The following KAZN variants were observed in gnomAD, a reference collection of about 807,000 sequenced individuals.
The protein encoded by KAZN is kazrin, periplakin interacting protein, also known as kazrin.
In KAZN, 40 loss-of-function variants were observed where a neutral mutation model predicts 87.4. The ratio of observed to expected loss-of-function variants is 0.46; its 90% CI spans 0.36 to 0.60. The LOEUF (loss-of-function observed/expected upper bound fraction) is 0.60, where lower values mean the gene tolerates loss of function less well. KAZN is among the 20% of genes least tolerant of loss of function. The probability of loss-of-function intolerance (pLI) is 0.00; values close to 1 mark genes in which losing one functional copy is unlikely to be tolerated. For missense variants in KAZN, 898 were observed against 1,073.9 expected (o/e 0.84, Z 2.29); for synonymous variants, 466 against 458.3 (o/e 1.02, Z -0.22).
intron 1 of KAZN, among the ~76,000 whole-genome samples, chr1:14,781,449 G>C (rs1338784425): frequency 3.3e-5 from 5 of 152,256 alleles, no homozygotes; most frequent in African/African-American, 1.2e-4. Context: ...TCTAAGCCCA[G>C]GGTCAGCTTC....
intron 2 of KAZN, among the ~76,000 whole-genome samples, chr1:14,257,394 C>T (rs988017086): frequency 3.9e-4 from 57 of 144,962 alleles, no homozygotes; most frequent in Middle Eastern, 7.0e-3. Flanking sequence ...GAGTAGGTTG[C>T]GAAAATTTTC....
chr1:14,086,001 C>T (rs1221459813), intron 1 of KAZN, among the ~76,000 whole-genome samples: 1 of 152,030 alleles, frequency 6.6e-6, no homozygotes. Flanking sequence ...TATTGTTGTT[C>T]AGCATCTTAT....
At chr1:14,937,529 G>A (rs1464972090) in intron 1 of KAZN, among the ~76,000 whole-genome samples, 1 of 152,216 alleles carries the variant, frequency 6.6e-6, no homozygotes, top group Non-Finnish European at 1.5e-5. Context: ...TCCCAGGTCA[G>A]CTTGTAGGAG....
intron 1 of KAZN, among the ~76,000 whole-genome samples, chr1:14,886,967 G>A (rs1447880839): frequency 3.3e-5 from 5 of 152,154 alleles, no homozygotes. Context: ...CTGGTTCCTA[G>A]TAGGTTCTCA....
At chr1:13,983,594 C>T (rs1638860768) in intron 1 of KAZN, among the ~76,000 whole-genome samples, 1 of 152,224 alleles carries the variant, frequency 6.6e-6, no homozygotes, top group Non-Finnish European at 1.5e-5. Context: ...CCTTGGCCAG[C>T]CCAGAAAGGG....
At chr1:14,869,831 G>A (rs1000964050) in intron 1 of KAZN, among the ~76,000 whole-genome samples, 3 of 152,222 alleles carry the variant, frequency 2.0e-5, no homozygotes, top group African/African-American at 4.8e-5. Flanking sequence ...TTAGCGCACA[G>A]ACCTGCTGGA....
chr1:14,128,069 C>T (rs1302136124), intron 1 of KAZN, among the ~76,000 whole-genome samples: 2 of 152,074 alleles, frequency 1.3e-5, no homozygotes, highest in Non-Finnish European at 2.9e-5. Context: ...TAGAAAAGTC[C>T]AAGGTTAGGC....
chr1:14,868,323 TA>T (rs1651763791), intron 1 of KAZN, among the ~76,000 whole-genome samples: 1 of 152,216 alleles, frequency 6.6e-6, no homozygotes, highest in South Asian at 2.1e-4. Flanking sequence ...TCTTTACTAC[TA>T]ATTGCTATTG....
chr1:15,114,659 C>T lies in KAZN; in HGVS notation c.*24C>T, dbSNP rs1307641553. 6.4e-7 allele frequency: 1 copy of T among 1,561,774 alleles called. No individual in the cohort carries two copies. Among genetic ancestry groups the T allele is most frequent in the African/African-American group, 1.4e-5 (1 of 73,556 alleles). ...AAGGAACTGGTGGCTCCACCAGACC[C>T]AACGTGAGAGACCCAGGAAGGAAGA... On this transcript the variant is annotated 3_prime_UTR_variant, in exon 15 of 15. Coordinates refer to ENST00000376030, the MANE Select transcript of KAZN (RefSeq NM_201628.3).
intron 2 of KAZN, among the ~76,000 whole-genome samples, chr1:14,359,483 A>G (rs1025028799): frequency 2.4e-4 from 36 of 152,298 alleles, no homozygotes; most frequent in Admixed American, 4.6e-4. Flanking sequence ...TCATTATGAC[A>G]CTAGCTGGTT....
chr1:13,915,771 A>G (rs1359396644), intron 1 of KAZN, among the ~76,000 whole-genome samples: 1 of 152,220 alleles, frequency 6.6e-6, no homozygotes. Context: ...GCCTGGACTC[A>G]GCTCCACCTC....
intron 8 of KAZN, among the ~76,000 whole-genome samples, chr1:15,089,722 C>A (rs1640438336): frequency 9.8e-6 from 1 of 101,766 alleles, no homozygotes; most frequent in Non-Finnish European, 1.9e-5. Context: ...CAAAGGGAAG[C>A]TTTTATTGGC....
At chr1:14,384,521 A>T (rs1052725400) in intron 2 of KAZN, among the ~76,000 whole-genome samples, 6 of 152,154 alleles carry the variant, frequency 3.9e-5, no homozygotes, top group Non-Finnish European at 7.3e-5. Flanking sequence ...AGTTTTTAGC[A>T]TGAAAGGTTG....
chr1:14,389,919 C>T (rs1311367890), intron 2 of KAZN, among the ~76,000 whole-genome samples: 6 of 152,270 alleles, frequency 3.9e-5, no homozygotes, highest in African/African-American at 1.4e-4. Flanking sequence ...CCCATTTACC[C>T]TGCTGTGACC....
intron 2 of KAZN, among the ~76,000 whole-genome samples, chr1:14,408,955 G>A (rs897421630): frequency 6.6e-6 from 1 of 152,192 alleles, no homozygotes; most frequent in Non-Finnish European, 1.5e-5. Flanking sequence ...GGATCTTGCA[G>A]AGGATATTTA....
At chr1:14,922,798 A>AC (rs1262347792) in intron 1 of KAZN, among the ~76,000 whole-genome samples, 1 of 150,874 alleles carries the variant, frequency 6.6e-6, no homozygotes, top group African/African-American at 2.4e-5. Context: ...TCTCAAAAAA[A>AC]AAAAAAAAAA....
intron 1 of KAZN, among the ~76,000 whole-genome samples, chr1:14,888,577 CAAA>C (rs1309533032): frequency 2.0e-5 from 3 of 151,760 alleles, no homozygotes; most frequent in Non-Finnish European, 2.9e-5. Context: ...TTAATTCACG[CAAA>C]TATAGCTTTT....
intron 1 of KAZN, among the ~76,000 whole-genome samples, chr1:14,793,714 T>C (rs1245989649): frequency 1.3e-5 from 2 of 151,340 alleles, no homozygotes; most frequent in African/African-American, 4.9e-5. Context: ...GAACAGGGCC[T>C]AGTTTGTATT....
At chr1:14,032,697 A>G (rs919415477) in intron 1 of KAZN, among the ~76,000 whole-genome samples, 2 of 152,116 alleles carry the variant, frequency 1.3e-5, no homozygotes, top group Non-Finnish European at 1.5e-5. Flanking sequence ...CTTCCAATGG[A>G]CTGTCAATGC....
Sources: allele counts gnomAD v4.1 joint callset (sites outside exome capture counted in the v4.1 genomes callset), GRCh38; gene constraint gnomAD v4.1.1; transcripts MANE v1.5; gene names NCBI Gene and HGNC (gene_info 2026-07-23, HGNC 2026-07-21).